The following ARHGEF10 variants were observed in gnomAD, a reference collection of about 807,000 sequenced individuals.
The protein encoded by ARHGEF10 is Rho guanine nucleotide exchange factor 10, also known as Rho guanine nucleotide exchange factor (GEF) 10.
In ARHGEF10, 140 loss-of-function variants were observed where a neutral mutation model predicts 147.4. The observed-to-expected ratio is 0.95, with a 90% CI of 0.83 to 1.09. The LOEUF (loss-of-function observed/expected upper bound fraction) is 1.09, where lower values mean the gene tolerates loss of function less well. Ranked by LOEUF, ARHGEF10 falls within the 50% of genes least tolerant of loss-of-function variation. The probability of loss-of-function intolerance (pLI) is 0.00; values close to 1 mark genes in which losing one functional copy is unlikely to be tolerated. For missense variants in ARHGEF10, 2,222 were observed against 1,752.7 expected, an observed-to-expected ratio of 1.27 and a Z score of -4.78; for synonymous variants, 902 against 695.8, an observed-to-expected ratio of 1.30 and a Z score of -4.67.
chr8:1,938,187 C>G (rs535261112), intron 26 of ARHGEF10, among the ~76,000 whole-genome samples: 1 of 152,216 alleles, frequency 6.6e-6, no homozygotes, highest in African/African-American at 2.4e-5. Flanking sequence ...GCAAATGGCC[C>G]TTTACCCTGG....
At chr8:1,837,901 G>A (rs1004718231) in intron 1 of ARHGEF10, among the ~76,000 whole-genome samples, 1 of 152,146 alleles carries the variant, frequency 6.6e-6, no homozygotes, top group Admixed American at 6.5e-5. Context: ...GTGAGGACTC[G>A]GGGTCGTGGG....
chr8:1,832,015 T>G (rs1197871924), intron 1 of ARHGEF10, among the ~76,000 whole-genome samples: 2 of 151,914 alleles, frequency 1.3e-5, no homozygotes, highest in Non-Finnish European at 1.5e-5. Context: ...GGGGACTGGG[T>G]GTGGGGACAG....
At chr8:1,891,051 C>T (rs1809485911) in intron 11 of ARHGEF10, among the ~76,000 whole-genome samples, 2 of 152,132 alleles carry the variant, frequency 1.3e-5, no homozygotes, top group African/African-American at 4.8e-5. Flanking sequence ...ATTTTAATGT[C>T]TATTTCCATC....
At chr8:1,885,028 G>T (rs138566895) in intron 10 of ARHGEF10, among the ~76,000 whole-genome samples, 2 of 152,170 alleles carry the variant, frequency 1.3e-5, no homozygotes, top group African/African-American at 2.4e-5. Context: ...GTCTCCCAAA[G>T]TGCTGGGATT....
chr8:1,846,360 C>T (rs1804562395), intron 2 of ARHGEF10, among the ~76,000 whole-genome samples: 1 of 152,208 alleles, frequency 6.6e-6, no homozygotes, highest in African/African-American at 2.4e-5. Flanking sequence ...GGTGTCTTTT[C>T]TGAGGATTCT....
At chr8:1,842,213 G>C (rs1804150271) in intron 1 of ARHGEF10, among the ~76,000 whole-genome samples, 1 of 151,996 alleles carries the variant, frequency 6.6e-6, no homozygotes, top group Non-Finnish European at 1.5e-5. Context: ...GAAGGCAGAA[G>C]GGCGGGCACT....
At chr8:1,927,715 C>A (rs1027968696) in intron 23 of ARHGEF10, among the ~76,000 whole-genome samples, 1 of 152,148 alleles carries the variant, frequency 6.6e-6, no homozygotes, top group African/African-American at 2.4e-5. Context: ...GAGTTTGAGA[C>A]CAGCCTGGCC....
intron 26 of ARHGEF10, among the ~76,000 whole-genome samples, chr8:1,938,146 G>C (rs1813775945): frequency 6.6e-6 from 1 of 152,150 alleles, no homozygotes; most frequent in Non-Finnish European, 1.5e-5. Context: ...GGATGCTTTA[G>C]GGGAGGGGAA....
intron 1 of ARHGEF10, among the ~76,000 whole-genome samples, chr8:1,829,068 G>C (rs1802934639): frequency 6.6e-6 from 1 of 152,258 alleles, no homozygotes; most frequent in South Asian, 2.1e-4. Flanking sequence ...GCAGGCGGCA[G>C]GGCCTCCAGC....
chr8:1,925,225 G>A (rs183010238), intron 21 of ARHGEF10, 58 bp from the exon 22 acceptor site: 8 of 1,611,880 alleles, frequency 5.0e-6, no homozygotes, highest in Non-Finnish European at 6.8e-6. Context: ...TGGAGCTGCA[G>A]GTCTTTGCAT....
chr8:1,861,593 C>T (rs1429545123), intron 4 of ARHGEF10, among the ~76,000 whole-genome samples: 1 of 152,158 alleles, frequency 6.6e-6, no homozygotes, highest in African/African-American at 2.4e-5. Context: ...GTAAAGGTTT[C>T]AGTGGAAGCA....
chr8:1,874,371 T>C (rs149942779), intron 7 of ARHGEF10, among the ~76,000 whole-genome samples: 188 of 152,216 alleles, frequency 1.2e-3, no homozygotes, highest in African/African-American at 4.3e-3. Flanking sequence ...GAGAGCTGGA[T>C]TGATTGATTA....
chr8:1,944,921 G>T (rs945374059), intron 26 of ARHGEF10, among the ~76,000 whole-genome samples: 10 of 152,236 alleles, frequency 6.6e-5, no homozygotes, highest in Admixed American at 6.5e-5. Context: ...CCAGGCACCC[G>T]TGGGACCCCT....
chr8:1,858,102 C>T lies in ARHGEF10; in HGVS notation c.180C>T (p.Ala60=), dbSNP rs111294316. The part of the protein sequence containing the change: ...PETGGAGASE[A]PAPTGGEDGA... The stretch of plus-strand genomic sequence containing the variant: ...CAGGAGGTGCTGGAGCCAGTGAAGC[C>T]CCTGCACCCACAGGTGAGTTTCCAG... Residue 60 remains alanine, a synonymous_variant, in exon 3 of 29, where the codon GCC becomes GCT. Transcript: ENST00000349830. 2.4e-4 allele frequency: 371 copies of T among 1,559,314 alleles called. 1 individual carries two copies. In the African/African-American group the frequency reaches 5.5e-3, roughly 23 times the overall value.
chr8:1,950,678 C>A (rs942856874), intron 27 of ARHGEF10, among the ~76,000 whole-genome samples: 5 of 151,524 alleles, frequency 3.3e-5, no homozygotes, highest in Admixed American at 2.6e-4. Context: ...ATAACAGGTG[C>A]CTACCACCAC....
intron 11 of ARHGEF10, among the ~76,000 whole-genome samples, chr8:1,886,999 C>A (rs1808718586): frequency 6.6e-6 from 1 of 152,208 alleles, no homozygotes; most frequent in African/African-American, 2.4e-5. Flanking sequence ...ACCCACCTCA[C>A]TTCATGCTCA....
intron 2 of ARHGEF10, among the ~76,000 whole-genome samples, chr8:1,848,000 G>A (rs922789146): frequency 2.6e-5 from 4 of 152,214 alleles, no homozygotes; most frequent in East Asian, 3.8e-4. Context: ...CTGCTCACGA[G>A]GGAAGGTGGC....
chr8:1,904,986 G>A (rs1810767621), intron 16 of ARHGEF10, among the ~76,000 whole-genome samples: 1 of 152,140 alleles, frequency 6.6e-6, no homozygotes, highest in African/African-American at 2.4e-5. Flanking sequence ...CAAATTAGCT[G>A]GGTGTGGTGG....
chr8:1,936,812 C>G (rs893180422), intron 26 of ARHGEF10, among the ~76,000 whole-genome samples: 1 of 152,216 alleles, frequency 6.6e-6, no homozygotes, highest in Admixed American at 6.5e-5. Context: ...CATCCTCTGT[C>G]ATCTCAGAGG....
Sources: allele counts gnomAD v4.1 joint callset (sites outside exome capture counted in the v4.1 genomes callset), GRCh38; gene constraint gnomAD v4.1.1; transcripts MANE v1.5; gene names NCBI Gene and HGNC (gene_info 2026-07-23, HGNC 2026-07-21).